TCF20: variants seen among roughly 807,000 people sequenced by gnomAD.
TCF20 encodes the protein transcription factor 20, also known as SPRE-binding protein.
Under a neutral mutation model 148.6 loss-of-function variants are expected in TCF20, and 3 were observed. The ratio of observed to expected loss-of-function variants is 0.02; its 90% CI spans 0.01 to 0.05. TCF20 has a LOEUF of 0.05. Among genes scored for constraint, TCF20 ranks in the 10% least tolerant of loss-of-function variants. TCF20 has a pLI of 1.00. For missense variants in TCF20, 2,350 were observed against 2,429.3 expected (o/e 0.97, Z 0.69); for synonymous variants, 1,049 against 909.5 (o/e 1.15, Z -2.76).
chr22:42,170,915 G>A (rs777565308), intron 3 of TCF20, among the ~76,000 whole-genome samples: 2 of 152,148 alleles, frequency 1.3e-5, no homozygotes, highest in African/African-American at 4.8e-5. Context: ...CCAGGCCCAA[G>A]AGCCCCACTG....
chr22:42,168,433 T>G (rs1236882423), intron 5 of TCF20, among the ~76,000 whole-genome samples, 176 bp downstream of exon 5: 2 of 152,170 alleles, frequency 1.3e-5, no homozygotes, highest in African/African-American at 4.8e-5. Flanking sequence ...CCCCCACTCC[T>G]TTCCACAGAT....
chr22:42,179,253 A>C (rs897913713), intron 3 of TCF20, among the ~76,000 whole-genome samples: 1 of 152,100 alleles, frequency 6.6e-6, no homozygotes, highest in African/African-American at 2.4e-5. Context: ...ATGTTCACAC[A>C]AATGCTTGCA....
chr22:42,198,341 T>C (rs914552068), intron 2 of TCF20, among the ~76,000 whole-genome samples: 12 of 152,214 alleles, frequency 7.9e-5, no homozygotes, highest in Non-Finnish European at 8.8e-5. Context: ...GGTCTAAATG[T>C]GGTAATTCAC....
At chr22:42,234,093 C>T (rs572625612) in intron 1 of TCF20, among the ~76,000 whole-genome samples, 6 of 152,294 alleles carry the variant, frequency 3.9e-5, no homozygotes, top group African/African-American at 1.2e-4. Context: ...GTGAAACAGA[C>T]ACGTTTAAAA....
chr22:42,209,844 A>G lies in TCF20; in HGVS notation c.5462T>C (p.Val1821Ala). 1 of 1,614,156 alleles carries G rather than the reference A, an allele frequency of 6.2e-7. No homozygotes were observed. Among genetic ancestry groups the G allele is most frequent in the Non-Finnish European group, 8.5e-7 (1 of 1,180,010 alleles). The change falls in exon 2 of 6, where the codon GTT (valine) becomes GCT (alanine). Residue 1821 changes from valine (V) to alanine (A), a missense_variant. Physicochemically the swap from Val to Ala is moderately conservative, Grantham distance 64 (BLOSUM62 0). Transcript: ENST00000677622. ...GGGCACGGAGGGCTTCGAGTCCAAA[A>G]CAGTCTTTTCACTGCTGCCCTCAGT... ...AATEGSSEKT[V>A]LDSKPSVPTT...
At chr22:42,216,045 G>C (rs189931265) in intron 1 of TCF20, among the ~76,000 whole-genome samples, 1 of 150,298 alleles carries the variant, frequency 6.7e-6, no homozygotes, top group Non-Finnish European at 1.5e-5. Context: ...CCAGTTATGC[G>C]GGGGAGGGGG....
intron 1 of TCF20, among the ~76,000 whole-genome samples, chr22:42,320,657 G>C: frequency 6.6e-6 from 1 of 152,248 alleles, no homozygotes; most frequent in Non-Finnish European, 1.5e-5. Flanking sequence ...CTCAACACGT[G>C]TGAGGGGACT....
intron 1 of TCF20, among the ~76,000 whole-genome samples, chr22:42,316,774 T>C (rs1269530511): frequency 6.6e-6 from 1 of 152,036 alleles, no homozygotes; most frequent in Non-Finnish European, 1.5e-5. Context: ...TCCGAACACA[T>C]CACTTCCCTG....
chr22:42,167,148 C>T (rs1024792550), intron 5 of TCF20, among the ~76,000 whole-genome samples: 19 of 152,194 alleles, frequency 1.2e-4, no homozygotes, highest in African/African-American at 4.6e-4. Context: ...GAATGGCTTC[C>T]ACCCACCTCC....
chr22:42,242,212 A>AC (rs1924480166), intron 1 of TCF20, among the ~76,000 whole-genome samples: 2 of 149,300 alleles, frequency 1.3e-5, no homozygotes, highest in South Asian at 4.2e-4. Flanking sequence ...CAAAAAAAAA[A>AC]AAAAAAAAAA....
At chr22:42,284,375 G>A (rs1048196441), upstream of TCF20, among the ~76,000 whole-genome samples, 2 of 152,260 alleles carry the variant, frequency 1.3e-5, no homozygotes, top group African/African-American at 4.8e-5. Flanking sequence ...GTAAAGGCAA[G>A]TGTGACCGTT....
intron 1 of TCF20, 157 bp from the exon 2 acceptor site, chr22:42,215,498 T>A (rs1921673389): frequency 1.1e-6 from 1 of 942,736 alleles, no homozygotes; most frequent in Non-Finnish European, 1.5e-6. Context: ...GAGACAAGAG[T>A]CTCACTCTGT....
chr22:42,256,615 T>C (rs1569189970), intron 1 of TCF20, among the ~76,000 whole-genome samples: 1 of 152,184 alleles, frequency 6.6e-6, no homozygotes, highest in African/African-American at 2.4e-5. Flanking sequence ...ATGAAAATCC[T>C]ATTCCTGCTA....
At chr22:42,272,498 G>C (rs5758691), upstream of TCF20, among the ~76,000 whole-genome samples, 27,317 of 152,090 alleles carry the variant, frequency 0.18, 2,682 homozygotes, top group East Asian at 0.34. Flanking sequence ...TGCAGGGCCC[G>C]GGGGATGCTG....
At chr22:42,240,310 C>T (rs1482506953) in intron 1 of TCF20, among the ~76,000 whole-genome samples, 1 of 152,128 alleles carries the variant, frequency 6.6e-6, no homozygotes, top group East Asian at 1.9e-4. Flanking sequence ...CCAACCAATA[C>T]CACCTGGTTT....
intron 1 of TCF20, among the ~76,000 whole-genome samples, chr22:42,263,063 T>G (rs1279087232): frequency 6.6e-6 from 1 of 152,120 alleles, no homozygotes; most frequent in Non-Finnish European, 1.5e-5. Context: ...TTTTCCTATT[T>G]TAGTGCCTTC....
rs535910558 is a variant in TCF20, at chr22:42,264,257, A to C, written c.-37+6082T>G. ...TGAACACATCTACAGGTCTAGATCTAAAGTGGGGCGGGGGCGGGGCGGGGG... is the reference window on the plus strand; with the variant it reads ...TGAACACATCTACAGGTCTAGATCTCAAGTGGGGCGGGGGCGGGGCGGGGG... On this transcript the variant is annotated intron_variant, in intron 1 of 5. Coordinates refer to ENST00000677622, the MANE Select transcript of TCF20 (RefSeq NM_001378418.1). 4.1e-3 allele frequency among the ~76,000 whole-genome samples: 390 copies of C among 96,132 alleles called. 2 individuals are homozygous for C. The highest frequency in any genetic ancestry group is 0.015 in the African/African-American group (378 of 25,450). 63.1% of individuals were successfully genotyped at this position (96,132 alleles called of 152,430 possible). A position where few individuals can be genotyped will look rare whatever the true frequency, so the allele number is the denominator to read the frequency against.
chr22:42,199,056 A>G (rs1258372728), intron 2 of TCF20, among the ~76,000 whole-genome samples: 1 of 152,214 alleles, frequency 6.6e-6, no homozygotes, highest in Non-Finnish European at 1.5e-5. Flanking sequence ...TATTATATCT[A>G]GTGAAATAAT....
chr22:42,262,550 G>A (rs892490500), intron 1 of TCF20, among the ~76,000 whole-genome samples: 5 of 152,114 alleles, frequency 3.3e-5, no homozygotes, highest in South Asian at 4.1e-4. Context: ...AGTTGAAGGC[G>A]CTAGAAGACA....
Sources: gnomAD v4.1 joint callset for allele counts (sites outside exome capture counted in the v4.1 genomes callset) on GRCh38, gnomAD v4.1.1 for gene constraint, MANE v1.5 for transcripts, NCBI Gene and HGNC (gene_info 2026-07-23, HGNC 2026-07-21) for gene names.